Variants in METTL15 observed in about 807,000 individuals in gnomAD.
METTL15 encodes the protein methyltransferase 15, mitochondrial 12S rRNA N4-cytidine, also known as 12S rRNA N(4)-cytidine methyltransferase METTL15.
METTL15 carries 34 observed loss-of-function variants against 38.3 expected under a neutral mutation model. The ratio of observed to expected loss-of-function variants is 0.89; its 90% CI spans 0.68 to 1.18. The LOEUF (loss-of-function observed/expected upper bound fraction) is 1.18. Ranked by LOEUF, METTL15 falls within the 50% of genes most tolerant of loss-of-function variation. The pLI, the probability that METTL15 is intolerant of heterozygous loss-of-function variation, is 0.00. For synonymous variants in METTL15, 162 were observed against 170.9 expected (o/e 0.95, Z 0.41); for missense variants, 438 against 498.4 (o/e 0.88, Z 1.15).
chr11:28,492,134 A>G (rs1342647807), intron 6 of METTL15, among the ~76,000 whole-genome samples: 1 of 152,156 alleles, frequency 6.6e-6, no homozygotes, highest in Admixed American at 6.5e-5. Flanking sequence ...GTTTTTTGCT[A>G]TCAGAGAAGC....
chr11:28,225,908 A>C (rs1335256744), intron 4 of METTL15, among the ~76,000 whole-genome samples: 1 of 151,940 alleles, frequency 6.6e-6, no homozygotes, highest in Non-Finnish European at 1.5e-5. Flanking sequence ...TTACTGCAGT[A>C]TTCTGCAAAA....
intron 5 of METTL15, among the ~76,000 whole-genome samples, chr11:28,364,774 A>G (rs1297690469): frequency 1.2e-4 from 19 of 152,266 alleles, no homozygotes. Flanking sequence ...CTCAAGGCAA[A>G]TGGTTCCAGA....
At chr11:28,518,269 G>A (rs1169806360) in intron 6 of METTL15, among the ~76,000 whole-genome samples, 1 of 152,194 alleles carries the variant, frequency 6.6e-6, no homozygotes, top group East Asian at 1.9e-4. Flanking sequence ...GGCACTGTGA[G>A]AAAGAAAGAC....
At chr11:28,470,024 AC>A in intron 6 of METTL15, among the ~76,000 whole-genome samples, 1 of 134,974 alleles carries the variant, frequency 7.4e-6, no homozygotes, top group East Asian at 2.0e-4. Flanking sequence ...CTACAAAAAA[AC>A]AACAAAAGCA....
chr11:28,453,079 T>G (rs1427922019), intron 6 of METTL15, among the ~76,000 whole-genome samples: 1 of 152,166 alleles, frequency 6.6e-6, no homozygotes, highest in Non-Finnish European at 1.5e-5. Flanking sequence ...ATGCCACACC[T>G]CCTCAGAGTA....
chr11:28,241,440 A>G (rs1370258344), intron 4 of METTL15, among the ~76,000 whole-genome samples: 1 of 151,840 alleles, frequency 6.6e-6, no homozygotes, highest in East Asian at 2.0e-4. Context: ...AGGCTGAGGC[A>G]GGAGAATGGC....
intron 3 of METTL15, among the ~76,000 whole-genome samples, chr11:28,122,371 GTATA>G (rs371299481): frequency 0.11 from 8,613 of 77,020 alleles, 360 homozygotes; most frequent in Non-Finnish European, 0.15. Flanking sequence ...GTGTGTGTGT[GTATA>G]TATATATATA....
chr11:28,240,917 G>C (rs941894147), intron 4 of METTL15, among the ~76,000 whole-genome samples: 3 of 152,050 alleles, frequency 2.0e-5, no homozygotes. Context: ...AAAAAGCCAA[G>C]TGACTTATTT....
At position 28,331,878 on chromosome 11, in the gene METTL15, G is replaced by A. The variant is rs980744042; in HGVS notation, c.*1037G>A. The A allele has an allele frequency of 6.6e-6, 1 of 152,026 alleles. No homozygotes were observed. 9.4% of individuals were successfully genotyped at this position (152,026 alleles called of 1,614,324 possible). ...TGAGTTGGAGATAATTAGTCAAAGG[G>A]CACATGGAGTATGGAAGGGGGCATG... On this transcript the variant is annotated 3_prime_UTR_variant, in exon 7 of 7. Transcript: ENST00000407364.
rs149717574 is a variant in METTL15 at position 28,494,348 on chromosome 11, A to T, written c.*425-32130A>T. ...GAAAGAAAAGTCTGACTGCTAAAAA[A>T]GTTTCAAAACCACTGGACAATATAC... On this transcript the variant is annotated intron_variant and NMD_transcript_variant, in intron 6 of 7. Transcript: ENST00000532947. Among the ~76,000 whole-genome samples, 41 of 152,326 alleles carry T rather than the reference A, an allele frequency of 2.7e-4. No homozygotes were observed. The East Asian group carries it at 7.5e-3, about 28-fold the overall frequency.
chr11:28,205,070 T>C (rs954561494), intron 3 of METTL15, among the ~76,000 whole-genome samples: 3 of 151,960 alleles, frequency 2.0e-5, no homozygotes, highest in Admixed American at 6.6e-5. Flanking sequence ...ACCACAAAAA[T>C]TGACCAGTTG....
chr11:28,511,584 C>T (rs552476830), intron 6 of METTL15, among the ~76,000 whole-genome samples: 4 of 152,084 alleles, frequency 2.6e-5, no homozygotes, highest in African/African-American at 4.8e-5. Flanking sequence ...GTGGTCTCAC[C>T]GGCTCAGGAG....
chr11:28,194,878 G>A (rs921190580), intron 3 of METTL15, among the ~76,000 whole-genome samples: 1 of 151,478 alleles, frequency 6.6e-6, no homozygotes. Context: ...TGAGTTTCCA[G>A]TGTTCGTTAT....
At chr11:28,120,074 C>T (rs1352894439) in intron 3 of METTL15, among the ~76,000 whole-genome samples, 2 of 152,112 alleles carry the variant, frequency 1.3e-5, no homozygotes, top group Non-Finnish European at 2.9e-5. Flanking sequence ...GCCTCAGCCT[C>T]CTGAGTAGCT....
At chr11:28,146,683 A>G (rs1053413967) in intron 3 of METTL15, among the ~76,000 whole-genome samples, 6 of 151,882 alleles carry the variant, frequency 4.0e-5, no homozygotes, top group African/African-American at 1.2e-4. Flanking sequence ...TTATCAATCT[A>G]TGAGAAAGTG....
intron 5 of METTL15, among the ~76,000 whole-genome samples, chr11:28,401,229 A>G (rs1425457152): frequency 6.6e-6 from 1 of 151,984 alleles, no homozygotes; most frequent in Non-Finnish European, 1.5e-5. Flanking sequence ...TCTTCACTAC[A>G]ATCATTATGA....
chr11:28,124,186 A>G (rs138457923), intron 3 of METTL15, among the ~76,000 whole-genome samples: 49 of 152,254 alleles, frequency 3.2e-4, no homozygotes, highest in Admixed American at 1.6e-3. Context: ...GTTATACAGT[A>G]TGCTTTTTCC....
rs1849820612 is a variant in METTL15 at position 28,331,697 on chromosome 11, T to C, written c.*856T>C. 1 of 152,212 alleles carries C rather than the reference T, an allele frequency of 6.6e-6. No homozygotes were observed. Among genetic ancestry groups the C allele is most frequent in the African/African-American group, 2.4e-5 (1 of 41,476 alleles). 9.4% of individuals were successfully genotyped at this position (152,212 alleles called of 1,614,324 possible). On this transcript the variant is annotated 3_prime_UTR_variant, in exon 7 of 7. Transcript: ENST00000407364. ...CCTTAATGTTGTTACAAAGATATGG[T>C]AACTGTAATATGGGTAAAAGTTTAT... is the stretch of plus-strand genomic sequence containing the variant.
intron 3 of METTL15, among the ~76,000 whole-genome samples, chr11:28,117,958 T>C (rs1852046741): frequency 6.6e-6 from 1 of 152,200 alleles, no homozygotes; most frequent in Non-Finnish European, 1.5e-5. Flanking sequence ...ATTACCTTTT[T>C]CTGCATCACC....
Sources: allele counts gnomAD v4.1 joint callset (sites outside exome capture counted in the v4.1 genomes callset), GRCh38; gene constraint gnomAD v4.1.1; transcripts MANE v1.5; gene names NCBI Gene and HGNC (gene_info 2026-07-23, HGNC 2026-07-21).